The following EREG variants were observed in gnomAD, a reference collection of about 807,000 sequenced individuals.
EREG encodes the protein proepiregulin.
Under a neutral mutation model 22.4 loss-of-function variants are expected in EREG, and 23 were observed. That is an observed-to-expected ratio of 1.03 (90% confidence interval 0.74 to 1.46). The LOEUF is 1.46. Ranked by LOEUF, EREG falls within the 40% of genes most tolerant of loss-of-function variation. EREG has a pLI of 0.00. For missense variants in EREG, 226 were observed against 205.9 expected, an observed-to-expected ratio of 1.10 and a Z score of -0.60; for synonymous variants, 100 against 75.4, an observed-to-expected ratio of 1.33 and a Z score of -1.69.
At chr4:74,380,741 C>T (rs1288592765) in intron 2 of EREG, among the ~76,000 whole-genome samples, 1 of 152,196 alleles carries the variant, frequency 6.6e-6, no homozygotes, top group Non-Finnish European at 1.5e-5. Flanking sequence ...AATTTGCCTT[C>T]TCTACCCTTA....
intron 1 of EREG, among the ~76,000 whole-genome samples, chr4:74,372,801 C>CT (rs60657787): frequency 0.017 from 1,197 of 71,904 alleles, 33 homozygotes; most frequent in South Asian, 0.041. Context: ...TTAAATTGTA[C>CT]TTTTTTTTTT....
chr4:74,374,799 C>T (rs1752351083), intron 1 of EREG, among the ~76,000 whole-genome samples: 1 of 152,094 alleles, frequency 6.6e-6, no homozygotes, highest in Non-Finnish European at 1.5e-5. Flanking sequence ...TCACTGGCAC[C>T]ACTTCCTGCT....
chr4:74,383,779 C>T (rs756514803), intron 4 of EREG, among the ~76,000 whole-genome samples: 3 of 152,072 alleles, frequency 2.0e-5, no homozygotes, highest in Non-Finnish European at 2.9e-5. Context: ...TTCTAAGTAT[C>T]CATCAAATAA....
At position 74,385,009 on chromosome 4, in the gene EREG, C is replaced by A. The variant is rs1752547014; in HGVS notation, c.*201C>A. The A allele has an allele frequency of 2.4e-6, 1 of 422,690 alleles. No homozygotes were observed. The highest frequency in any genetic ancestry group is 4.2e-6 in the Non-Finnish European group (1 of 235,514). The allele number at this position is 422,690 out of a possible 1,614,324, so 26.2% of individuals were successfully genotyped here. On this transcript the variant is annotated 3_prime_UTR_variant, in exon 5 of 5. Transcript: ENST00000244869. ...ATAATGTGCAGAAAATATTTAATATCAAAAGAAAATTGATATTTTTATACA... is the reference window on the plus strand; with the variant it reads ...ATAATGTGCAGAAAATATTTAATATAAAAAGAAAATTGATATTTTTATACA...
At chr4:74,377,159 A>G (rs553739527) in intron 1 of EREG, among the ~76,000 whole-genome samples, 253 of 112,860 alleles carry the variant, frequency 2.2e-3, no homozygotes, top group African/African-American at 0.012. Context: ...GCCATTTCAG[A>G]AAAAAAAAAA....
intron 1 of EREG, among the ~76,000 whole-genome samples, chr4:74,376,020 C>T (rs1752377254): frequency 6.6e-6 from 1 of 152,152 alleles, no homozygotes. Flanking sequence ...AAAGTCCAGT[C>T]TTTGTGGAGG....
intron 1 of EREG, among the ~76,000 whole-genome samples, 184 bp downstream of exon 1, chr4:74,365,559 G>A (rs1163107337): frequency 1.5e-5 from 2 of 130,136 alleles, no homozygotes; most frequent in South Asian, 2.8e-4. Flanking sequence ...GGGGACTGGG[G>A]ATCGATGTTA....
chr4:74,365,801 G>C (rs1024712323), intron 1 of EREG, among the ~76,000 whole-genome samples: 1 of 151,920 alleles, frequency 6.6e-6, no homozygotes, highest in Non-Finnish European at 1.5e-5. Flanking sequence ...TTGGAGGGGG[G>C]AAAAAGCTTT....
intron 1 of EREG, among the ~76,000 whole-genome samples, chr4:74,371,465 C>A (rs1274617620): frequency 6.6e-6 from 1 of 152,140 alleles, no homozygotes; most frequent in Non-Finnish European, 1.5e-5. Flanking sequence ...TTTTACAACT[C>A]TACTCTCTTA....
At position 74,375,287 on chromosome 4, in the gene EREG, A is replaced by AAAGTAAT. The variant is rs1296995418; in HGVS notation, c.68-4160_68-4154dup. On this transcript the variant is annotated intron_variant, in intron 1 of 4. Transcript: ENST00000244869. ...TTATTCCCTCCCTGTATGACTCATT[A>AAAGTAAT]AAGTAATGACTAGCGATTCTTTTTT... Among the ~76,000 whole-genome samples the AAAGTAAT allele has an allele frequency of 2.7e-5, 4 of 149,984 alleles. No homozygotes were observed. The East Asian group carries it at 7.8e-4, about 29-fold the overall frequency.
intron 1 of EREG, among the ~76,000 whole-genome samples, chr4:74,373,324 T>C (rs974273906): frequency 6.6e-6 from 1 of 152,074 alleles, no homozygotes; most frequent in African/African-American, 2.4e-5. Flanking sequence ...TTGGAAAGTA[T>C]AACTTAATGC....
At chr4:74,382,931 G>T in intron 4 of EREG, 137 bp downstream of exon 4, 2 of 649,408 alleles carry the variant, frequency 3.1e-6, no homozygotes, top group Non-Finnish European at 5.1e-6. Context: ...CAAGAGTTGA[G>T]AAACTATTAA....
intron 1 of EREG, among the ~76,000 whole-genome samples, chr4:74,370,826 T>C (rs1478136019): frequency 6.6e-6 from 1 of 152,216 alleles, no homozygotes; most frequent in Non-Finnish European, 1.5e-5. Context: ...ACCTCATTCC[T>C]TGTTCTCTGT....
At chr4:74,383,033 C>A (rs1268506220) in intron 4 of EREG, among the ~76,000 whole-genome samples, 1 of 152,038 alleles carries the variant, frequency 6.6e-6, no homozygotes, top group Non-Finnish European at 1.5e-5. Context: ...GCATGTGTAC[C>A]CCCGAATCTG....
Position 74,381,125 on chromosome 4 carries a change from A to C in EREG, c.266A>C (p.Gln89Pro). 6.2e-7 allele frequency: 1 copy of C among 1,612,462 alleles called. No homozygotes were observed. The highest frequency in any genetic ancestry group is 8.5e-7 in the Non-Finnish European group (1 of 1,179,472). ...GQCIYLVDMS[Q>P]NYCRCEVGYT... ...TGCATCTATCTGGTGGACATGAGTC[A>C]AAACTACTGCAGGTAATATGTCAGA... Residue 89 changes from glutamine to proline, a missense_variant, in exon 3 of 5, where the codon CAA (glutamine) becomes CCA (proline). Transcript: ENST00000244869.
chr4:74,368,218 C>G (rs559704307), intron 1 of EREG, among the ~76,000 whole-genome samples: 1 of 152,304 alleles, frequency 6.6e-6, no homozygotes, highest in East Asian at 1.9e-4. Context: ...CTTTCTGACT[C>G]TGTGCAAAAT....
In EREG at chr4:74,388,101, G is replaced by T. The variant is rs1752601921; in HGVS notation, c.*3293G>T. On this transcript the variant is annotated 3_prime_UTR_variant, in exon 5 of 5. Coordinates refer to ENST00000244869, the MANE Select transcript of EREG (RefSeq NM_001432.3). ...TTGAGACTAAATTCAATCACCACCAGGTATCAAATCAACTTTTATGCAGCA... is the reference window on the plus strand; with the variant it reads ...TTGAGACTAAATTCAATCACCACCATGTATCAAATCAACTTTTATGCAGCA... 1.3e-5 allele frequency: 2 copies of T among 152,044 alleles called. No homozygotes were observed. Among genetic ancestry groups the T allele is most frequent in the Admixed American group, 1.3e-4 (2 of 15,254 alleles). The allele number at this position is 152,044 out of a possible 1,614,324, so 9.4% of individuals were successfully genotyped here.
intron 1 of EREG, among the ~76,000 whole-genome samples, chr4:74,372,954 CCCA>C (rs1212968798): frequency 5.4e-5 from 8 of 148,344 alleles, no homozygotes; most frequent in Admixed American, 1.3e-4. Context: ...ACCACAGGCG[CCCA>C]CCACCACATC....
rs1242149863 is a variant in EREG, at chr4:74,365,375, G to T, written c.67G>T (p.Gly23Cys). The change falls in exon 1 of 5, where the codon GGT becomes TGT. Residue 23 changes from glycine (G) to cysteine (C), a missense_variant and splice_region_variant. Gly to Cys is a radical substitution (Grantham distance 159, BLOSUM62 -3). Transcript: ENST00000244869. Reference protein sequence around the residue: ...GRVPALLLCLGFHLLQAVLST... With the variant: ...GRVPALLLCLCFHLLQAVLST... ...GGTCCCTGCGCTGCTGCTCTGCCTG[G>T]GTAAGTTCTCCCCCTCTGGCTTCCG... 1.9e-6 allele frequency: 3 copies of T among 1,611,798 alleles called. No homozygotes were observed. The highest frequency in any genetic ancestry group is 1.7e-5 in the Admixed American group (1 of 59,998).
Sources: gnomAD v4.1 joint callset for allele counts (sites outside exome capture counted in the v4.1 genomes callset) on GRCh38, gnomAD v4.1.1 for gene constraint, MANE v1.5 for transcripts, NCBI Gene and HGNC (gene_info 2026-07-23, HGNC 2026-07-21) for gene names.